SLC2A5: variants seen among roughly 807,000 people sequenced by gnomAD.
SLC2A5 encodes the protein solute carrier family 2 member 5.
Under a neutral mutation model 50.3 loss-of-function variants are expected in SLC2A5, and 56 were observed. That is an observed-to-expected ratio of 1.11 (90% CI 0.90 to 1.39). The LOEUF (loss-of-function observed/expected upper bound fraction) is 1.39, where lower values mean the gene tolerates loss of function less well. SLC2A5 is among the 40% of genes most tolerant of loss of function. SLC2A5 has a pLI of 0.00. For synonymous variants in SLC2A5, 269 were observed against 281.9 expected, an observed-to-expected ratio of 0.95 and a Z score of 0.46; for missense variants, 566 against 650.1, an observed-to-expected ratio of 0.87 and a Z score of 1.41.
At chr1:9,054,749 A>T (rs1454027724) in intron 3 of SLC2A5, among the ~76,000 whole-genome samples, 2 of 151,970 alleles carry the variant, frequency 1.3e-5, no homozygotes, top group Non-Finnish European at 2.9e-5. Flanking sequence ...ACCTAGTGAG[A>T]CCCTGTCTCT....
At chr1:9,092,015 A>G (rs114037397), upstream of SLC2A5, among the ~76,000 whole-genome samples, 1,951 of 152,306 alleles carry the variant, frequency 0.013, 44 homozygotes, top group African/African-American at 0.045. Context: ...GAGTGGGGCT[A>G]TCTCACGGCT....
Position 9,040,005 on chromosome 1 carries a change from C to A in SLC2A5, c.698-18G>T. 6.3e-7 allele frequency: 1 copy of A among 1,598,788 alleles called. No individual in the cohort carries two copies. Among genetic ancestry groups the A allele is most frequent in the Non-Finnish European group, 8.5e-7 (1 of 1,169,916 alleles). Reference sequence around the variant, plus strand: ...CTGTAGGGCTGGGGAGAAGCGGCACCGTCGGACCAGGGCTGGGGAGCAGAA... The same window carrying A: ...CTGTAGGGCTGGGGAGAAGCGGCACAGTCGGACCAGGGCTGGGGAGCAGAA... On this transcript the variant is annotated intron_variant, in intron 6 of 11. Coordinates refer to ENST00000377424, the MANE Select transcript of SLC2A5 (RefSeq NM_003039.3). The surrounding 1 kb of genome is among the most constrained non-coding windows in gnomAD (Gnocchi z 4.3).
At chr1:9,067,157 C>A (rs2478868) in intron 1 of SLC2A5, among the ~76,000 whole-genome samples, 101,750 of 152,012 alleles carry the variant, frequency 0.67, 34,351 homozygotes, top group East Asian at 0.92. Context: ...TGGCTCCTAC[C>A]TCCCCTCTCG....
intron 2 of SLC2A5, among the ~76,000 whole-genome samples, chr1:9,081,770 A>T (rs1026733953): frequency 5.3e-5 from 8 of 151,080 alleles, no homozygotes; most frequent in East Asian, 3.9e-4. Flanking sequence ...TATCATACTT[A>T]AAAAAAAAGG....
upstream of SLC2A5, chr1:9,072,208 G>A (rs1002969428): frequency 2.0e-5 from 3 of 152,270 alleles, no homozygotes; most frequent in African/African-American, 4.8e-5. Context: ...AGCAGGGCGG[G>A]GTGGGAGACT....
chr1:9,049,010 T>C, intron 3 of SLC2A5: 1 of 388,762 alleles, frequency 2.6e-6, no homozygotes, highest in Non-Finnish European at 5.1e-6. Flanking sequence ...TTCTTTAAGC[T>C]GATAAAGGAA....
intron 1 of SLC2A5, among the ~76,000 whole-genome samples, chr1:9,060,701 A>T (rs1189516854): frequency 9.3e-6 from 1 of 107,194 alleles, no homozygotes; most frequent in Non-Finnish European, 1.9e-5. Flanking sequence ...AGCCCACCCC[A>T]CACACACACA....
chr1:9,066,765 G>A (rs547908713), intron 1 of SLC2A5, among the ~76,000 whole-genome samples: 4 of 152,020 alleles, frequency 2.6e-5, no homozygotes, highest in East Asian at 1.9e-4. Context: ...AGGCACACTT[G>A]AGCCCAGTAG....
At chr1:9,071,319 A>G (rs1278020424), upstream of SLC2A5, among the ~76,000 whole-genome samples, 1 of 152,176 alleles carries the variant, frequency 6.6e-6, no homozygotes, top group Non-Finnish European at 1.5e-5. Context: ...CTGAGGCAGG[A>G]GAATAGCTGG....
intron 2 of SLC2A5, among the ~76,000 whole-genome samples, chr1:9,081,675 C>T (rs1242821792): frequency 6.6e-6 from 1 of 152,004 alleles, no homozygotes; most frequent in Non-Finnish European, 1.5e-5. Context: ...CCAAGAAGCA[C>T]ATGAAAAGAT....
At chr1:9,059,901 C>G (rs967269234) in intron 1 of SLC2A5, among the ~76,000 whole-genome samples, 13 of 151,768 alleles carry the variant, frequency 8.6e-5, no homozygotes, top group Non-Finnish European at 1.9e-4. Context: ...TCATTCCTGC[C>G]TTGTCATGGG....
chr1:9,047,570 C>T (rs760966438), intron 4 of SLC2A5, 40 bp downstream of exon 4: 23 of 1,601,030 alleles, frequency 1.4e-5, no homozygotes, highest in Admixed American at 1.4e-4. Flanking sequence ...TCCTCCTTGA[C>T]GACCCTCACA....
intron 3 of SLC2A5, 101 bp from the exon 4 acceptor site, chr1:9,047,835 A>G: frequency 7.7e-7 from 1 of 1,291,666 alleles, no homozygotes; most frequent in Non-Finnish European, 1.1e-6. Flanking sequence ...CAGCAGTTAC[A>G]GCAGCTTTAC....
chr1:9,082,094 A>T (rs1642361758), intron 2 of SLC2A5, among the ~76,000 whole-genome samples: 1 of 152,156 alleles, frequency 6.6e-6, no homozygotes. Context: ...AAAAAATAAA[A>T]TAAAACGAAT....
At position 9,037,882 on chromosome 1, in the gene SLC2A5, C is replaced by A. The variant is rs1157212645; in HGVS notation, c.1302+15G>T. On this transcript the variant is annotated intron_variant, in intron 11 of 11. Transcript: ENST00000377424. The stretch of plus-strand genomic sequence containing the variant: ...GGGGATCTGGTGGTGAGCGTGGGCC[C>A]CGGGCCCCACTCACCTGGATGAACG... 6.2e-7 allele frequency: 1 copy of A among 1,613,438 alleles called. No individual in the cohort carries two copies. The highest frequency in any genetic ancestry group is 2.2e-5 in the East Asian group (1 of 44,854).
At chr1:9,041,474 C>T in intron 5 of SLC2A5, 1 of 1,306,516 alleles carries the variant, frequency 7.7e-7, no homozygotes, top group Non-Finnish European at 9.7e-7. Context: ...ACACTGGTGG[C>T]TGTCATTGCT....
chr1:9,076,794 T>G (rs560759067), intron 2 of SLC2A5, among the ~76,000 whole-genome samples: 1 of 151,528 alleles, frequency 6.6e-6, no homozygotes, highest in African/African-American at 2.4e-5. Context: ...GTGTTTTTTT[T>G]GTTTTTTTTT....
chr1:9,039,509 G>A (rs1326552747), intron 8 of SLC2A5, 43 bp downstream of exon 8: 1 of 1,442,414 alleles, frequency 6.9e-7, no homozygotes, highest in Non-Finnish European at 9.4e-7. Context: ...TGGGGCCCGA[G>A]GGGCCTTGGG....
rs768959238 is a variant in SLC2A5, at chr1:9,039,675, C to T, written c.886-13G>A. ...CGTAGTAGTAGATCTGCAAGGCAAGCGCGGGGCTGGGCGGCTGCCCGGAGG... is the reference window on the plus strand; with the variant it reads ...CGTAGTAGTAGATCTGCAAGGCAAGTGCGGGGCTGGGCGGCTGCCCGGAGG... On this transcript the variant is annotated splice_polypyrimidine_tract_variant and intron_variant, in intron 7 of 11. Transcript: ENST00000377424. 3 of 1,517,876 alleles carry T rather than the reference C, an allele frequency of 2.0e-6. No individual in the cohort carries two copies. The highest frequency in any genetic ancestry group is 1.8e-6 in the Non-Finnish European group (2 of 1,131,758). 94.0% of individuals were successfully genotyped at this position (1,517,876 alleles called of 1,614,324 possible). A position where few individuals can be genotyped will look rare whatever the true frequency, so the allele number is the denominator to read the frequency against.
Sources: allele counts gnomAD v4.1 joint callset (sites outside exome capture counted in the v4.1 genomes callset), GRCh38; gene constraint gnomAD v4.1.1; non-coding constraint Gnocchi (gnomAD v3.1); transcripts MANE v1.5; gene names NCBI Gene and HGNC (gene_info 2026-07-23, HGNC 2026-07-21).